The following ZNF548 variants were observed in gnomAD, a reference collection of about 807,000 sequenced individuals.
The protein encoded by ZNF548 is zinc finger protein 548.
ZNF548 carries 10 observed loss-of-function variants against 10.2 expected under a neutral mutation model. The ratio of observed to expected loss-of-function variants is 0.98; its 90% CI spans 0.60 to 1.66. ZNF548 has a LOEUF of 1.66. Ranked by LOEUF, ZNF548 falls within the 40% of genes most tolerant of loss-of-function variation. ZNF548 has a pLI of 0.00. For missense variants in ZNF548, 599 were observed against 657.0 expected (o/e 0.91, Z 0.97); for synonymous variants, 217 against 223.5 (o/e 0.97, Z 0.26).
At position 57,399,788 on chromosome 19, in the gene ZNF548, G is replaced by A. The variant is rs1377052764; in HGVS notation, c.1537G>A (p.Glu513Lys). ...HLVHHQKIHS[E>K]ERLVCSMNVG... ...GGTTCATCACCAGAAAATCCACAGTGAAGAGAGGCTTGTGTGCTCCATGAA... is the reference window on the plus strand; with the variant it reads ...GGTTCATCACCAGAAAATCCACAGTAAAGAGAGGCTTGTGTGCTCCATGAA... Residue 513 changes from glutamate to lysine, a missense_variant, in exon 4 of 4, where the codon GAA becomes AAA. By Grantham distance (56) the Glu-to-Lys change is moderately conservative. Coordinates refer to ENST00000336128, the MANE Select transcript of ZNF548 (RefSeq NM_001172773.2). The surrounding 1 kb of genome is among the most constrained non-coding windows in gnomAD (Gnocchi z 4.0). 1 of 1,614,076 alleles carries A rather than the reference G, an allele frequency of 6.2e-7. No homozygotes were observed. Among genetic ancestry groups the A allele is most frequent in the Non-Finnish European group, 8.5e-7 (1 of 1,179,934 alleles).
At chr19:57,391,625 A>G (rs1027660894) in intron 1 of ZNF548, among the ~76,000 whole-genome samples, 3 of 151,990 alleles carry the variant, frequency 2.0e-5, no homozygotes, top group Non-Finnish European at 4.4e-5. Context: ...GGGCAACATC[A>G]GTTGTTTTTT....
In ZNF548 at chr19:57,399,534, C is replaced by T. The variant is rs764873563; in HGVS notation, c.1283C>T (p.Thr428Met). Residue 428 changes from threonine (T) to methionine (M), a missense_variant, in exon 4 of 4, where the codon ACG becomes ATG. By Grantham distance (81) the Thr-to-Met change is moderately conservative (BLOSUM62 -1). Coordinates refer to ENST00000336128, the MANE Select transcript of ZNF548 (RefSeq NM_001172773.2). This position sits in a 1 kb window ranked among gnomAD's most constrained non-coding sequence, Gnocchi z 4.0. ...CTCATTAGACACCAGAGAGTCCACA[C>T]GGGAGAAAGGCCTTATGAGTGCAGC... ...CRLIRHQRVHTGERPYECSEC... is the reference protein window; with the variant it reads ...CRLIRHQRVHMGERPYECSEC... The T allele has an allele frequency of 4.0e-5, 64 of 1,613,940 alleles. No individual in the cohort carries two copies. The highest frequency in any genetic ancestry group is 4.7e-5 in the Non-Finnish European group (55 of 1,180,006).
At position 57,399,238 on chromosome 19, in the gene ZNF548, C is replaced by A. The variant is rs779076002; in HGVS notation, c.987C>A (p.Phe329Leu). 5.9e-5 allele frequency: 96 copies of A among 1,613,656 alleles called. No homozygotes were observed. Among genetic ancestry groups the A allele is most frequent in the Non-Finnish European group, 7.4e-5 (87 of 1,179,972 alleles). ...RPYECRECGK[F>L]FMDSSTLIKH... ...ATGAGTGCAGGGAATGTGGGAAATT[C>A]TTTATGGACAGCTCCACACTCATTA... Residue 329 changes from phenylalanine (F) to leucine (L), a missense_variant, in exon 4 of 4, where the codon TTC becomes TTA. Transcript: ENST00000336128. The surrounding 1 kb of genome is among the most constrained non-coding windows in gnomAD (Gnocchi z 4.0).
At chr19:57,394,372 G>T in intron 2 of ZNF548, 149 bp downstream of exon 2, 1 of 798,520 alleles carries the variant, frequency 1.3e-6, no homozygotes, top group Non-Finnish European at 2.0e-6. Context: ...TTGGCTGCTG[G>T]GTTACATAGA....
At chr19:57,396,607 T>C (rs551090614) in intron 2 of ZNF548, among the ~76,000 whole-genome samples, 1 of 152,222 alleles carries the variant, frequency 6.6e-6, no homozygotes, top group African/African-American at 2.4e-5. Context: ...AAAGAAGATA[T>C]TTATTCCTTG....
intron 1 of ZNF548, chr19:57,390,407 A>C (rs2088615007): frequency 5.5e-6 from 2 of 364,878 alleles, no homozygotes; most frequent in Non-Finnish European, 9.9e-6. Context: ...GCAGCCAGTA[A>C]CCATGGAAGG....
In ZNF548 at chr19:57,389,947, G is replaced by A. The variant is rs1463027529; in HGVS notation, c.-153G>A. 1 of 957,300 alleles carries A rather than the reference G, an allele frequency of 1.0e-6. No homozygotes were observed. Among genetic ancestry groups the A allele is most frequent in the African/African-American group, 1.6e-5 (1 of 61,798 alleles). The allele number at this position is 957,300 out of a possible 1,614,324, so 59.3% of individuals were successfully genotyped here. Reference sequence around the variant, plus strand: ...TGGCTCTGTCTGACGTCACCGAAGTGACGGAACGGAAAAGCGCGAGAAGCG... The same window carrying A: ...TGGCTCTGTCTGACGTCACCGAAGTAACGGAACGGAAAAGCGCGAGAAGCG... On this transcript the variant is annotated 5_prime_UTR_variant, in exon 1 of 4. Coordinates refer to ENST00000336128, the MANE Select transcript of ZNF548 (RefSeq NM_001172773.2).
At chr19:57,393,335 TAGGC>T (rs1214280307) in intron 1 of ZNF548, among the ~76,000 whole-genome samples, 4 of 151,960 alleles carry the variant, frequency 2.6e-5, no homozygotes, top group Non-Finnish European at 5.9e-5. Context: ...TGCAAACAGA[TAGGC>T]AGTTAATAGT....
At position 57,389,955 on chromosome 19, in the gene ZNF548, G is replaced by T. The variant is rs1364813589; in HGVS notation, c.-145G>T. On this transcript the variant is annotated 5_prime_UTR_variant, in exon 1 of 4. Coordinates refer to ENST00000336128, the MANE Select transcript of ZNF548 (RefSeq NM_001172773.2). ...TCTGACGTCACCGAAGTGACGGAAC[G>T]GAAAAGCGCGAGAAGCGGCTCGGTT... The T allele has an allele frequency of 6.6e-6, 7 of 1,067,810 alleles. No individual in the cohort carries two copies. The African/African-American group carries it at 9.4e-5, about 14-fold the overall frequency. 66.1% of individuals were successfully genotyped at this position (1,067,810 alleles called of 1,614,324 possible). A position where few individuals can be genotyped will look rare whatever the true frequency, so the allele number is the denominator to read the frequency against.
Position 57,393,275 on chromosome 19 carries a change from G to T in ZNF548, c.16-913G>T, listed in dbSNP as rs555142283. 7.2e-5 allele frequency among the ~76,000 whole-genome samples: 11 copies of T among 152,254 alleles called. No individual in the cohort carries two copies. The South Asian group carries it at 2.3e-3, about 32-fold the overall frequency. ...ATAACTCATTAACTTAATAATGTAT[G>T]AAACACTTATTGATTTAAACCCCAA... On this transcript the variant is annotated intron_variant, in intron 1 of 3. Coordinates refer to ENST00000336128, the MANE Select transcript of ZNF548 (RefSeq NM_001172773.2).
rs1230327286 is a variant in ZNF548 at position 57,399,321 on chromosome 19, T to G, written c.1070T>G (p.Phe357Cys). 1 of 1,613,358 alleles carries G rather than the reference T, an allele frequency of 6.2e-7. No individual in the cohort carries two copies. The highest frequency in any genetic ancestry group is 8.5e-7 in the Non-Finnish European group (1 of 1,179,772). Reference sequence around the variant, plus strand: ...TATAAGTGCAATGATTGTGGGAAATTTTTTAGGTATATCTCCACACTCATT... The same window carrying G: ...TATAAGTGCAATGATTGTGGGAAATGTTTTAGGTATATCTCCACACTCATT... Reference protein sequence around the residue: ...RPYKCNDCGKFFRYISTLIRH... With the variant: ...RPYKCNDCGKCFRYISTLIRH... The change falls in exon 4 of 4, where the codon TTT (phenylalanine) becomes TGT (cysteine). Residue 357 changes from phenylalanine (F) to cysteine (C), a missense_variant. Transcript: ENST00000336128. The surrounding 1 kb of genome is among the most constrained non-coding windows in gnomAD (Gnocchi z 4.0).
Position 57,397,117 on chromosome 19 carries a change from C to T in ZNF548, c.121C>T (p.Gln41Ter). 1.2e-6 allele frequency: 2 copies of T among 1,613,686 alleles called. No individual in the cohort carries two copies. The highest frequency in any genetic ancestry group is 1.1e-5 in the South Asian group (1 of 91,034). Residue 41 changes from glutamine to a stop codon, truncating the protein, a stop_gained, in exon 3 of 4, where the codon CAG becomes TAG. Transcript: ENST00000336128. LOFTEE classifies it high-confidence loss of function. The part of the protein sequence containing the change: ...QEEWGHLDEA[Q>*]RLLYRDVMLE... ...GGAGTGGGGGCACCTTGATGAGGCT[C>T]AGAGATTGCTGTACCGTGATGTGAT...
In ZNF548 at chr19:57,401,494, A is replaced by AC. The variant is rs1187147005; in HGVS notation, c.*1606dup. On this transcript the variant is annotated 3_prime_UTR_variant, in exon 4 of 4. Coordinates refer to ENST00000336128, the MANE Select transcript of ZNF548 (RefSeq NM_001172773.2). ...AGATGTGTGTAGGTTATATTCAAAC[A>AC]CTATGCCTTTTTATGTGAGGGACCT... The AC allele has an allele frequency of 6.6e-6, 1 of 152,110 alleles. No homozygotes were observed. The highest frequency in any genetic ancestry group is 1.9e-4 in the East Asian group (1 of 5,200). The allele number at this position is 152,110 out of a possible 1,614,324, so 9.4% of individuals were successfully genotyped here.
intron 1 of ZNF548, 150 bp downstream of exon 1, chr19:57,390,264 A>C: frequency 1.2e-6 from 1 of 811,236 alleles, no homozygotes; most frequent in African/African-American, 1.7e-5. Flanking sequence ...GCAGCCTCAG[A>C]GCTCCCGTTA....
chr19:57,400,121 G>T lies in ZNF548; in HGVS notation c.*232G>T. 1 of 454,340 alleles carries T rather than the reference G, an allele frequency of 2.2e-6. No individual in the cohort carries two copies. Among genetic ancestry groups the T allele is most frequent in the African/African-American group, 1.9e-5 (1 of 51,544 alleles). The allele number at this position is 454,340 out of a possible 1,614,324, so 28.1% of individuals were successfully genotyped here. On this transcript the variant is annotated 3_prime_UTR_variant, in exon 4 of 4. Transcript: ENST00000336128. ...TATATATTTGTACCTCATATAAGTG[G>T]ATTCTACAGTATTTATCTTTTGAGA...
intron 1 of ZNF548, chr19:57,392,945 C>G (rs761797187): frequency 3.0e-6 from 3 of 985,674 alleles, no homozygotes; most frequent in Non-Finnish European, 3.6e-6. Flanking sequence ...GAGGCCTGGA[C>G]TGGGTAAGCA....
chr19:57,394,050 G>T, intron 1 of ZNF548, 138 bp from the exon 2 acceptor site: 1 of 877,698 alleles, frequency 1.1e-6, no homozygotes, highest in Admixed American at 2.2e-5. Context: ...CAGAGCTGCA[G>T]CACTGAGGCC....
At chr19:57,390,168 C>A (rs1450828992) in intron 1 of ZNF548, 54 bp downstream of exon 1, 2 of 1,591,010 alleles carry the variant, frequency 1.3e-6, no homozygotes, top group African/African-American at 2.7e-5. Flanking sequence ...AGTGCTGAAG[C>A]CCCCTGAAGG....
intron 1 of ZNF548, chr19:57,390,547 T>C: frequency 6.1e-6 from 1 of 165,202 alleles, no homozygotes; most frequent in Non-Finnish European, 1.3e-5. Context: ...CCCAGGAGAA[T>C]TATGGTTGGG....
Sources: allele counts gnomAD v4.1 joint callset (sites outside exome capture counted in the v4.1 genomes callset), GRCh38; gene constraint gnomAD v4.1.1; non-coding constraint Gnocchi (gnomAD v3.1); transcripts MANE v1.5; gene names NCBI Gene and HGNC (gene_info 2026-07-23, HGNC 2026-07-21).